Variants in CCND3 observed in about 807,000 individuals in gnomAD.
The protein encoded by CCND3 is G1/S-specific cyclin-D3.
CCND3 carries 9 observed loss-of-function variants against 28.7 expected under a neutral mutation model. The observed-to-expected ratio is 0.31, with a 90% CI of 0.19 to 0.55. CCND3 has a LOEUF of 0.55. Ranked by LOEUF, CCND3 falls within the 20% of genes least tolerant of loss-of-function variation. The pLI, the probability that CCND3 is intolerant of heterozygous loss-of-function variation, is 0.93. For synonymous variants in CCND3, 164 were observed against 163.9 expected, an observed-to-expected ratio of 1.00 and a Z score of 0.00; for missense variants, 315 against 385.8, an observed-to-expected ratio of 0.82 and a Z score of 1.54.
At chr6:42,014,101 C>T (rs1763421261) in intron 1 of CCND3, among the ~76,000 whole-genome samples, 1 of 150,720 alleles carries the variant, frequency 6.6e-6, no homozygotes. Flanking sequence ...CGCAGTGGCT[C>T]ATGCCTGTAA....
chr6:42,011,112 G>T (rs1242513431), intron 1 of CCND3: 1 of 151,094 alleles, frequency 6.6e-6, no homozygotes, highest in Non-Finnish European at 1.5e-5. Context: ...ATGAATGAAT[G>T]GATTTTTCAC....
intron 1 of CCND3, among the ~76,000 whole-genome samples, chr6:41,970,984 C>A (rs1465066598): frequency 1.3e-5 from 2 of 151,940 alleles, no homozygotes; most frequent in Non-Finnish European, 1.5e-5. Context: ...GTGGCGCGAT[C>A]TTGACTTACT....
intron 1 of CCND3, among the ~76,000 whole-genome samples, chr6:42,019,004 G>C (rs1242930461): frequency 6.6e-6 from 1 of 151,666 alleles, no homozygotes; most frequent in African/African-American, 2.4e-5. Flanking sequence ...TTAATCAATG[G>C]AACATTTCAG....
In CCND3 at chr6:42,008,073, T is replaced by A. The variant is rs149340433; in HGVS notation, c.-46+40428A>T. Among the ~76,000 whole-genome samples the A allele has an allele frequency of 1.3e-3, 202 of 152,158 alleles. 6 individuals carry two copies. The East Asian group carries it at 0.036, about 27-fold the overall frequency. On this transcript the variant is annotated intron_variant, in intron 1 of 4. Transcript: ENST00000372988. ...TTGCCTATAGCTCTACCTTATTTTT[T>A]AATATAAAAAATAGTAGTATCTCTT...
At chr6:42,045,007 T>A (rs1764499674) in intron 1 of CCND3, among the ~76,000 whole-genome samples, 1 of 148,684 alleles carries the variant, frequency 6.7e-6, no homozygotes, top group Admixed American at 6.8e-5. Context: ...GGTTTCACCA[T>A]GTTGGTCAGG....
Position 41,938,535 on chromosome 6 carries a change from G to A in CCND3, c.415-1141C>T, listed in dbSNP as rs1775883692. ...CCAACTCCTAACTCAGCAGTAAACA[G>A]AAGGGACTCAGCTTCTAAGGAAGCA... On this transcript the variant is annotated intron_variant, in intron 2 of 4. Coordinates refer to ENST00000372991, the MANE Select transcript of CCND3 (RefSeq NM_001760.5). This position sits in a 1 kb window ranked among gnomAD's most constrained non-coding sequence, Gnocchi z 4.6. Among the ~76,000 whole-genome samples, 1 of 152,196 alleles carries A rather than the reference G, an allele frequency of 6.6e-6. No individual in the cohort carries two copies. The highest frequency in any genetic ancestry group is 1.5e-5 in the Non-Finnish European group (1 of 68,044).
At chr6:42,036,618 G>A (rs1764227704) in intron 1 of CCND3, among the ~76,000 whole-genome samples, 1 of 148,240 alleles carries the variant, frequency 6.7e-6, no homozygotes, top group South Asian at 2.1e-4. Context: ...TGTCTAGGCT[G>A]GTCTCCAACT....
intron 1 of CCND3, chr6:41,940,834 G>C (rs986279466): frequency 7.4e-6 from 8 of 1,084,230 alleles, no homozygotes; most frequent in East Asian, 4.7e-5. Flanking sequence ...CCTTGCTCAC[G>C]GAGGATTCCA....
intron 1 of CCND3, among the ~76,000 whole-genome samples, chr6:41,946,850 C>T (rs1377154088): frequency 6.6e-6 from 1 of 151,778 alleles, no homozygotes; most frequent in Non-Finnish European, 1.5e-5. Context: ...TTTGGGAGGC[C>T]GAGGTGGGCG....
upstream of CCND3, chr6:42,049,947 G>A (rs1764686130): frequency 6.6e-6 from 1 of 152,274 alleles, no homozygotes. Context: ...AAAACCCTGC[G>A]AGTGTAGATG....
intron 1 of CCND3, among the ~76,000 whole-genome samples, chr6:41,979,544 A>G (rs1309159652): frequency 6.6e-6 from 1 of 150,500 alleles, no homozygotes. Flanking sequence ...AAAAAAAAAA[A>G]AAAAAGAAAA....
intron 1 of CCND3, among the ~76,000 whole-genome samples, chr6:41,969,470 T>C (rs1413927287): frequency 6.6e-6 from 1 of 151,742 alleles, no homozygotes; most frequent in African/African-American, 2.4e-5. Context: ...GAGCCAAGAA[T>C]GTGCCACTGC....
intron 1 of CCND3, among the ~76,000 whole-genome samples, chr6:41,955,407 A>G (rs910994490): frequency 6.6e-5 from 10 of 152,198 alleles, no homozygotes; most frequent in Non-Finnish European, 1.3e-4. Flanking sequence ...TTGAAAAAAA[A>G]CCAATATAAT....
At chr6:42,036,395 A>AT (rs1185551167) in intron 1 of CCND3, among the ~76,000 whole-genome samples, 29 of 41,028 alleles carry the variant, frequency 7.1e-4, no homozygotes, top group Non-Finnish European at 9.0e-4. Flanking sequence ...ATATATATAT[A>AT]TATATATATT....
chr6:41,959,402 C>G (rs1324924088), intron 1 of CCND3, among the ~76,000 whole-genome samples: 1 of 152,176 alleles, frequency 6.6e-6, no homozygotes, highest in African/African-American at 2.4e-5. Context: ...TAACCCAGGC[C>G]AGGCGCAGTG....
intron 1 of CCND3, among the ~76,000 whole-genome samples, chr6:41,968,149 A>T (rs1761939508): frequency 6.6e-6 from 1 of 152,200 alleles, no homozygotes; most frequent in African/African-American, 2.4e-5. Flanking sequence ...AGCTAACAGC[A>T]AATGGGGTAT....
intron 1 of CCND3, chr6:41,940,881 G>T: frequency 7.1e-7 from 1 of 1,402,426 alleles, no homozygotes; most frequent in Non-Finnish European, 1.0e-6. Context: ...AGGGGAAGTG[G>T]GACGCAAGGG....
intron 1 of CCND3, among the ~76,000 whole-genome samples, chr6:41,951,454 C>T (rs1216253760): frequency 3.7e-5 from 5 of 134,848 alleles, no homozygotes; most frequent in Admixed American, 7.5e-5. Context: ...CTCAGCTACT[C>T]GGGAGGCTGA....
chr6:41,950,242 G>C (rs1482509429), intron 1 of CCND3, among the ~76,000 whole-genome samples: 5 of 152,030 alleles, frequency 3.3e-5, no homozygotes, highest in Admixed American at 2.0e-4. Flanking sequence ...GGTGCACACA[G>C]GGCCTCAGGT....
Sources: gnomAD v4.1 joint callset for allele counts (sites outside exome capture counted in the v4.1 genomes callset) on GRCh38, gnomAD v4.1.1 for gene constraint, Gnocchi (gnomAD v3.1) non-coding constraint, MANE v1.5 for transcripts, NCBI Gene and HGNC (gene_info 2026-07-23, HGNC 2026-07-21) for gene names.